FAP: variants seen among roughly 807,000 people sequenced by gnomAD.
FAP encodes prolyl endopeptidase FAP.
A neutral mutation model predicts 126.5 loss-of-function variants in FAP; 110 were observed. The observed-to-expected ratio is 0.87, with a 90% CI of 0.74 to 1.02. The LOEUF (loss-of-function observed/expected upper bound fraction) is 1.02. Ranked by LOEUF, FAP falls within the 50% of genes least tolerant of loss-of-function variation. The pLI is 0.00. For synonymous variants in FAP, 334 were observed against 297.3 expected, an observed-to-expected ratio of 1.12 and a Z score of -1.27; for missense variants, 919 against 909.2, an observed-to-expected ratio of 1.01 and a Z score of -0.14.
chr2:162,197,604 A>G, intron 16 of FAP: 2 of 456,694 alleles, frequency 4.4e-6, no homozygotes, highest in South Asian at 3.1e-5. Flanking sequence ...AATTTGGGTT[A>G]AAATGCTTAT....
At chr2:162,194,646 C>T in intron 17 of FAP, 55 bp downstream of exon 17, 1 of 1,519,800 alleles carries the variant, frequency 6.6e-7, no homozygotes, top group Non-Finnish European at 9.1e-7. Flanking sequence ...AGCGGAGCAT[C>T]ACAGAGAGTT....
intron 2 of FAP, among the ~76,000 whole-genome samples, chr2:162,229,121 T>C (rs1005922038): frequency 2.0e-5 from 3 of 152,158 alleles, no homozygotes; most frequent in African/African-American, 7.2e-5. Flanking sequence ...GACATAGTTT[T>C]TCCTATTTAA....
At chr2:162,195,246 T>C (rs917380427) in intron 16 of FAP, among the ~76,000 whole-genome samples, 3 of 152,116 alleles carry the variant, frequency 2.0e-5, no homozygotes, top group Non-Finnish European at 4.4e-5. Context: ...ATATACTTCC[T>C]TTTAAAATAT....
chr2:162,189,770 T>A lies in FAP; in HGVS notation c.1451-16A>T, dbSNP rs1163398514. 1 of 1,416,774 alleles carries A rather than the reference T, an allele frequency of 7.1e-7. No individual in the cohort carries two copies. Among genetic ancestry groups the A allele is most frequent in the Admixed American group, 1.9e-5 (1 of 52,212 alleles). 87.8% of individuals were successfully genotyped at this position (1,416,774 alleles called of 1,614,324 possible). On this transcript the variant is annotated splice_polypyrimidine_tract_variant and intron_variant, in intron 17 of 25. Transcript: ENST00000188790. ...ATTTTAATTTCTGAAAAATGTTAAA[T>A]GTTCATTTTTAATCAATAGTATTTC...
At chr2:162,235,644 C>A (rs1559797021) in intron 2 of FAP, among the ~76,000 whole-genome samples, 2 of 152,278 alleles carry the variant, frequency 1.3e-5, no homozygotes, top group East Asian at 3.9e-4. Flanking sequence ...CCAATCAGTT[C>A]TCTGTAAAAT....
intron 8 of FAP, among the ~76,000 whole-genome samples, chr2:162,218,343 G>T (rs528198388): frequency 6.6e-6 from 1 of 152,128 alleles, no homozygotes; most frequent in Non-Finnish European, 1.5e-5. Flanking sequence ...ACATCAATTA[G>T]CCTTGTTAGA....
At chr2:162,234,674 T>A (rs76818513) in intron 2 of FAP, among the ~76,000 whole-genome samples, 5,388 of 152,234 alleles carry the variant, frequency 0.035, 470 homozygotes, top group Admixed American at 0.21. Context: ...AGGAAAACAG[T>A]GTTGAGAGGT....
At chr2:162,238,346 C>T (rs74340622) in intron 2 of FAP, among the ~76,000 whole-genome samples, 39 of 152,122 alleles carry the variant, frequency 2.6e-4, no homozygotes, top group Non-Finnish European at 5.3e-4. Flanking sequence ...TGGATGTTCT[C>T]GTTGAAGTTG....
chr2:162,183,418 C>G lies in FAP; in HGVS notation c.1865G>C (p.Gly622Ala). The part of the protein sequence containing the change: ...FIDEKRIAIW[G>A]WSYGGYVSSL... ...AAAAAATATAAAACAACTCACCCAG[C>G]CCCATATGGCTATTCTTTTTTCATC... is the stretch of plus-strand genomic sequence containing the variant. Residue 622 changes from glycine to alanine, a missense_variant, in exon 21 of 26, where the codon GGC (glycine) becomes GCC (alanine). By Grantham distance (60) the Gly-to-Ala change is moderately conservative. Coordinates refer to ENST00000188790, the MANE Select transcript of FAP (RefSeq NM_004460.5). 1 of 1,608,296 alleles carries G rather than the reference C, an allele frequency of 6.2e-7. No individual in the cohort carries two copies. The highest frequency in any genetic ancestry group is 8.5e-7 in the Non-Finnish European group (1 of 1,176,276).
At position 162,174,541 on chromosome 2, in the gene FAP, C is replaced by A. The variant is rs558895421; in HGVS notation, c.1969+326G>T. On this transcript the variant is annotated intron_variant, in intron 22 of 25. Transcript: ENST00000188790. Reference sequence around the variant, plus strand: ...CTGGCCTGACCGTGCTGAAGATGTGCTTAAAAGCCAATTATGCTGTAGCTG... The same window carrying A: ...CTGGCCTGACCGTGCTGAAGATGTGATTAAAAGCCAATTATGCTGTAGCTG... Among the ~76,000 whole-genome samples the A allele has an allele frequency of 2.6e-5, 4 of 152,190 alleles. No homozygotes were observed. In the East Asian group the frequency reaches 7.7e-4, roughly 29 times the overall value.
intron 21 of FAP, among the ~76,000 whole-genome samples, chr2:162,182,001 A>C (rs965002454): frequency 3.3e-5 from 5 of 152,188 alleles, no homozygotes; most frequent in African/African-American, 9.7e-5. Flanking sequence ...TCGACCTCAC[A>C]GTCATTACCA....
At chr2:162,210,752 G>T (rs781038640) in intron 11 of FAP, among the ~76,000 whole-genome samples, 1 of 152,068 alleles carries the variant, frequency 6.6e-6, no homozygotes, top group African/African-American at 2.4e-5. Flanking sequence ...ACTAGAAGTG[G>T]GTAAGAGGGA....
Position 162,242,958 on chromosome 2 carries a change from G to C in FAP, c.41C>G (p.Ser14Cys), listed in dbSNP as rs1690414734. 3.7e-6 allele frequency: 6 copies of C among 1,613,062 alleles called. No homozygotes were observed. In the Admixed American group the frequency reaches 6.7e-5, roughly 18 times the overall value. ...CATCACCAATAAGGCAAGCACAGCA[G>C]AGGTGGCAACTCCAAATACGATTTT... is the stretch of plus-strand genomic sequence containing the variant. ...WVKIVFGVAT[S>C]AVLALLVMCI... Residue 14 changes from serine to cysteine, a missense_variant, in exon 2 of 26, where the codon TCT becomes TGT. Physicochemically the swap from Ser to Cys is moderately radical, Grantham distance 112. Transcript: ENST00000188790.
At chr2:162,229,133 C>T (rs1224676288) in intron 2 of FAP, among the ~76,000 whole-genome samples, 2 of 152,020 alleles carry the variant, frequency 1.3e-5, no homozygotes, top group Non-Finnish European at 2.9e-5. Context: ...CCTATTTAAG[C>T]ATCTTTGCAT....
At chr2:162,188,508 G>C (rs572225591) in intron 19 of FAP, 145 bp from the exon 20 acceptor site, 2 of 747,570 alleles carry the variant, frequency 2.7e-6, no homozygotes, top group East Asian at 5.4e-5. Flanking sequence ...AAATCAAGAG[G>C]AGTCCAGGCT....
At chr2:162,219,303 A>T (rs1464983899) in intron 7 of FAP, 120 bp from the exon 8 acceptor site, 1 of 936,012 alleles carries the variant, frequency 1.1e-6, no homozygotes, top group African/African-American at 1.7e-5. Flanking sequence ...AAGATTCACA[A>T]CTAAAATACC....
Position 162,214,008 on chromosome 2 carries a change from C to T in FAP, c.932G>A (p.Arg311Lys). The T allele has an allele frequency of 6.2e-7, 1 of 1,614,070 alleles. No homozygotes were observed. Among genetic ancestry groups the T allele is most frequent in the Non-Finnish European group, 8.5e-7 (1 of 1,179,980 alleles). Residue 311 changes from arginine (R) to lysine (K), a missense_variant, in exon 11 of 26, where the codon AGA becomes AAA. Physicochemically the swap from Arg to Lys is conservative, Grantham distance 26 (BLOSUM62 2). Coordinates refer to ENST00000188790, the MANE Select transcript of FAP (RefSeq NM_004460.5). ...AGACAGGACCGAAACATTCTGGACT[C>T]TTTTTAGCCACTGCAAACATACTCG... ...DERVCLQWLK[R>K]VQNVSVLSIC...
intron 25 of FAP, 106 bp downstream of exon 25, chr2:162,172,705 T>A: frequency 1.4e-6 from 1 of 732,390 alleles, no homozygotes; most frequent in Non-Finnish European, 2.4e-6. Flanking sequence ...TCCTGCAGCC[T>A]CTTTGTCAGA....
At chr2:162,233,373 AGC>A (rs910896316) in intron 2 of FAP, among the ~76,000 whole-genome samples, 1 of 152,012 alleles carries the variant, frequency 6.6e-6, no homozygotes, top group Non-Finnish European at 1.5e-5. Context: ...CCCAGGGACA[AGC>A]CATTTCACAA....
Sources: gnomAD v4.1 joint callset for allele counts (sites outside exome capture counted in the v4.1 genomes callset) on GRCh38, gnomAD v4.1.1 for gene constraint, MANE v1.5 for transcripts, NCBI Gene and HGNC (gene_info 2026-07-23, HGNC 2026-07-21) for gene names.